The following DLG2 variants were observed in gnomAD, a reference collection of about 807,000 sequenced individuals.
DLG2 encodes the protein discs large MAGUK scaffold protein 2, also known as disks large homolog 2.
In DLG2, 45 loss-of-function variants were observed where a neutral mutation model predicts 132.5. That is an observed-to-expected ratio of 0.34 (90% confidence interval 0.27 to 0.44). The LOEUF (loss-of-function observed/expected upper bound fraction) is 0.44, where lower values mean the gene tolerates loss of function less well. Among genes scored for constraint, DLG2 ranks in the 20% least tolerant of loss-of-function variants. The pLI is 1.00. For synonymous variants in DLG2, 424 were observed against 419.6 expected (o/e 1.01, Z -0.13); for missense variants, 1,045 against 1,196.9 (o/e 0.87, Z 1.87).
At chr11:84,252,564 T>C (rs2097400971) in intron 7 of DLG2, among the ~76,000 whole-genome samples, 1 of 152,144 alleles carries the variant, frequency 6.6e-6, no homozygotes, top group Non-Finnish European at 1.5e-5. Flanking sequence ...AATTGTACGA[T>C]TTGCAGTAAT....
chr11:84,671,017 G>A (rs983122396), intron 6 of DLG2, among the ~76,000 whole-genome samples: 1 of 152,018 alleles, frequency 6.6e-6, no homozygotes, highest in African/African-American at 2.4e-5. Context: ...TGCATACCCT[G>A]TGGGGTAAGA....
chr11:85,191,983 A>G (rs1159147596), intron 4 of DLG2, among the ~76,000 whole-genome samples: 1 of 152,232 alleles, frequency 6.6e-6, no homozygotes, highest in Admixed American at 6.5e-5. Flanking sequence ...AAAATGTATT[A>G]TTGCTATTTT....
intron 19 of DLG2, among the ~76,000 whole-genome samples, chr11:83,559,715 G>T (rs1341192650): frequency 1.3e-5 from 2 of 152,188 alleles, no homozygotes; most frequent in African/African-American, 4.8e-5. Context: ...AGCAGTAGGG[G>T]TATATGGTAC....
chr11:84,174,010 C>T (rs897290138), intron 8 of DLG2, among the ~76,000 whole-genome samples: 7 of 20,154 alleles, frequency 3.5e-4, no homozygotes, highest in Admixed American at 6.2e-4. Flanking sequence ...CTTCACCCCC[C>T]GGCCTTTTTT....
At chr11:84,267,980 T>A (rs1460703238) in intron 7 of DLG2, among the ~76,000 whole-genome samples, 1 of 152,212 alleles carries the variant, frequency 6.6e-6, no homozygotes, top group Non-Finnish European at 1.5e-5. Flanking sequence ...TTTACCTGTA[T>A]AATTCCTGAC....
At chr11:83,571,161 C>T (rs996592998) in intron 19 of DLG2, among the ~76,000 whole-genome samples, 3 of 152,056 alleles carry the variant, frequency 2.0e-5, no homozygotes, top group Non-Finnish European at 4.4e-5. Flanking sequence ...GGCTTATAGG[C>T]GTGAGCCACC....
At chr11:85,062,223 G>A (rs2064226649) in intron 6 of DLG2, among the ~76,000 whole-genome samples, 3 of 151,770 alleles carry the variant, frequency 2.0e-5, no homozygotes, top group African/African-American at 2.4e-5. Context: ...ATGCTATGAA[G>A]AAAAGTACAG....
intron 6 of DLG2, among the ~76,000 whole-genome samples, chr11:84,673,683 T>C (rs2099708387): frequency 6.6e-6 from 1 of 151,672 alleles, no homozygotes; most frequent in South Asian, 2.1e-4. Flanking sequence ...GAATTTTCCA[T>C]GGAAGAATTA....
chr11:83,869,939 C>T (rs148010418), intron 16 of DLG2, among the ~76,000 whole-genome samples: 339 of 152,312 alleles, frequency 2.2e-3, no homozygotes, highest in Middle Eastern at 6.8e-3. Flanking sequence ...AGAAAGCTTT[C>T]TGAGTAGCTG....
intron 27 of DLG2, chr11:83,461,769 G>C (rs1483454135): frequency 1.4e-5 from 7 of 487,800 alleles, no homozygotes; most frequent in Admixed American, 1.3e-4. Flanking sequence ...CATGGTTTTG[G>C]GTAGGGCTGG....
chr11:84,907,933 A>G (rs967325352), intron 6 of DLG2, among the ~76,000 whole-genome samples: 3 of 152,160 alleles, frequency 2.0e-5, no homozygotes, highest in Non-Finnish European at 4.4e-5. Context: ...TAAATCTAGC[A>G]TTCAATGGTT....
chr11:84,743,348 C>A (rs4594021), intron 6 of DLG2, among the ~76,000 whole-genome samples: 39,452 of 151,998 alleles, frequency 0.26, 6,591 homozygotes, highest in African/African-American at 0.48. Flanking sequence ...TCTGAAGGAT[C>A]TTTAAGAGGC....
intron 14 of DLG2, among the ~76,000 whole-genome samples, chr11:83,945,552 A>C (rs187731014): frequency 5.3e-4 from 81 of 152,334 alleles, no homozygotes; most frequent in Non-Finnish European, 9.6e-4. Flanking sequence ...GCCTATTATT[A>C]TATATTTGGA....
chr11:84,620,160 G>A (rs1451684393), intron 6 of DLG2, among the ~76,000 whole-genome samples: 1 of 151,470 alleles, frequency 6.6e-6, no homozygotes, highest in Non-Finnish European at 1.5e-5. Context: ...ACAGAACATA[G>A]AAACAGGCTC....
chr11:83,734,346 T>C (rs2091531907), intron 18 of DLG2, among the ~76,000 whole-genome samples: 1 of 14,032 alleles, frequency 7.1e-5, no homozygotes, highest in African/African-American at 3.4e-4. Flanking sequence ...TTCCCTTCCT[T>C]CCTTCCTTCC....
chr11:84,316,000 G>C (rs1004838833), intron 7 of DLG2, among the ~76,000 whole-genome samples: 9 of 151,920 alleles, frequency 5.9e-5, no homozygotes, highest in Non-Finnish European at 8.8e-5. Context: ...GTGACTACAG[G>C]TGTATTTTAT....
chr11:83,780,787 A>G (rs887665244), intron 18 of DLG2, among the ~76,000 whole-genome samples: 2 of 152,182 alleles, frequency 1.3e-5, no homozygotes, highest in African/African-American at 4.8e-5. Flanking sequence ...TCCCTGCTAA[A>G]ACCACTGAGC....
chr11:84,790,600 T>C (rs1348181253), intron 6 of DLG2, among the ~76,000 whole-genome samples: 1 of 152,194 alleles, frequency 6.6e-6, no homozygotes, highest in Non-Finnish European at 1.5e-5. Context: ...TGTGATTGCA[T>C]TTGTCCATTT....
At chr11:85,180,632 T>C (rs2079626146) in intron 4 of DLG2, among the ~76,000 whole-genome samples, 1 of 151,822 alleles carries the variant, frequency 6.6e-6, no homozygotes, top group Non-Finnish European at 1.5e-5. Flanking sequence ...AACCTGAAAA[T>C]AAAAGCTTCA....
Sources: allele counts gnomAD v4.1 joint callset (sites outside exome capture counted in the v4.1 genomes callset), GRCh38; gene constraint gnomAD v4.1.1; transcripts MANE v1.5; gene names NCBI Gene and HGNC (gene_info 2026-07-23, HGNC 2026-07-21).